ERO1A: variants seen among roughly 807,000 people sequenced by gnomAD.
ERO1A encodes the protein endoplasmic reticulum oxidoreductase 1 alpha.
ERO1A carries 49 observed loss-of-function variants against 76.9 expected under a neutral mutation model. The observed-to-expected ratio is 0.64, with a 90% CI of 0.51 to 0.81. The LOEUF (loss-of-function observed/expected upper bound fraction) is 0.81. Among genes scored for constraint, ERO1A ranks in the 30% least tolerant of loss-of-function variants. The pLI is 0.00. For missense variants in ERO1A, 448 were observed against 542.1 expected, an observed-to-expected ratio of 0.83 and a Z score of 1.72; for synonymous variants, 174 against 181.2, an observed-to-expected ratio of 0.96 and a Z score of 0.32.
intron 1 of ERO1A, among the ~76,000 whole-genome samples, chr14:52,687,852 A>G (rs2041227941): frequency 6.6e-6 from 1 of 152,170 alleles, no homozygotes; most frequent in Non-Finnish European, 1.5e-5. Flanking sequence ...AAATAGGAGG[A>G]CCAAGGTAGG....
At chr14:52,691,091 A>G (rs1289908054) in intron 1 of ERO1A, among the ~76,000 whole-genome samples, 2 of 152,254 alleles carry the variant, frequency 1.3e-5, no homozygotes, top group Non-Finnish European at 2.9e-5. Context: ...TTATGTGTCA[A>G]TAAAGGTGGA....
chr14:52,642,713 C>CTCT lies in ERO1A; in HGVS notation c.*854_*856dup, dbSNP rs1031599683. On this transcript the variant is annotated 3_prime_UTR_variant, in exon 16 of 16. Transcript: ENST00000395686. The stretch of plus-strand genomic sequence containing the variant: ...CAATTAGTGAATCTGGGTAAGAGAG[C>CTCT]TCTTTGTACTATTTTTGAAACTTTT... 6.6e-6 allele frequency: 1 copy of CTCT among 152,344 alleles called. No individual in the cohort carries two copies. The highest frequency in any genetic ancestry group is 1.5e-5 in the Non-Finnish European group (1 of 67,988). The allele number at this position is 152,344 out of a possible 1,614,324, so 9.4% of individuals were successfully genotyped here. A position where few individuals can be genotyped will look rare whatever the true frequency, so the allele number is the denominator to read the frequency against.
intron 6 of ERO1A, among the ~76,000 whole-genome samples, chr14:52,669,508 C>T (rs2040525701): frequency 6.6e-6 from 1 of 152,026 alleles, no homozygotes; most frequent in Admixed American, 6.6e-5. Flanking sequence ...AGGTCTATAC[C>T]CCTCATCCAA....
chr14:52,671,803 T>G lies in ERO1A; in HGVS notation c.426A>C (p.Glu142Asp). 1 of 1,607,052 alleles carries G rather than the reference T, an allele frequency of 6.2e-7. No homozygotes were observed. Among genetic ancestry groups the G allele is most frequent in the Admixed American group, 1.7e-5 (1 of 59,522 alleles). The change falls in exon 5 of 16, where the codon GAA becomes GAC. Residue 142 changes from glutamate to aspartate, a missense_variant. Physicochemically the swap from Glu to Asp is conservative, Grantham distance 45. Coordinates refer to ENST00000395686, the MANE Select transcript of ERO1A (RefSeq NM_014584.3). ...GAAAAATAAAATCAAACCTCAGAGA[T>G]TCATCCACTGCTCCAAGTCGTTCAG... ...EQAERLGAVD[E>D]SLSEETQKAV...
chr14:52,640,091 A>T lies in ERO1A; in HGVS notation c.*3479T>A, dbSNP rs1594815040. ...CAACAAACATTTATTAAACATTCAT[A>T]TGCCAAAAACTATGCTATGGAGATG... is the stretch of plus-strand genomic sequence containing the variant. On this transcript the variant is annotated 3_prime_UTR_variant, in exon 16 of 16. Coordinates refer to ENST00000395686, the MANE Select transcript of ERO1A (RefSeq NM_014584.3). 1 of 152,258 alleles carries T rather than the reference A, an allele frequency of 6.6e-6. No individual in the cohort carries two copies. Among genetic ancestry groups the T allele is most frequent in the Non-Finnish European group, 1.5e-5 (1 of 68,050 alleles). 9.4% of individuals were successfully genotyped at this position (152,258 alleles called of 1,614,324 possible). A position where few individuals can be genotyped will look rare whatever the true frequency, so the allele number is the denominator to read the frequency against.
At chr14:52,672,625 CTGGACA>C (rs1336676549) in intron 4 of ERO1A, among the ~76,000 whole-genome samples, 2 of 151,828 alleles carry the variant, frequency 1.3e-5, no homozygotes, top group Non-Finnish European at 2.9e-5. Context: ...TTTTAATTAG[CTGGACA>C]TGGTGGCATG....
At chr14:52,646,794 T>C (rs1294310748) in intron 13 of ERO1A, 1 of 197,490 alleles carries the variant, frequency 5.1e-6, no homozygotes, top group East Asian at 1.3e-4. Context: ...AAAGCTAAAC[T>C]ATCTGCAAAA....
At position 52,682,209 on chromosome 14, in the gene ERO1A, CAT is replaced by C. The variant is rs1308850709; in HGVS notation, c.318+114_318+115del. 13 of 738,958 alleles carry C rather than the reference CAT, an allele frequency of 1.8e-5. No individual in the cohort carries two copies. The Admixed American group carries it at 2.4e-4, about 14-fold the overall frequency. The allele number at this position is 738,958 out of a possible 1,614,324, so 45.8% of individuals were successfully genotyped here. On this transcript the variant is annotated intron_variant, in intron 3 of 15. Transcript: ENST00000395686. ...AGAAATTCAAGACCAACCTGGGCAA[CAT>C]AGTGAAACCTCATCTCTATTTTTTC...
At chr14:52,684,443 AAAG>A (rs1436820694) in intron 1 of ERO1A, among the ~76,000 whole-genome samples, 3 of 152,144 alleles carry the variant, frequency 2.0e-5, no homozygotes, top group African/African-American at 7.2e-5. Context: ...AAAGATACAC[AAAG>A]AAGCAGAGGT....
At chr14:52,668,187 TA>T (rs1303103272) in intron 6 of ERO1A, among the ~76,000 whole-genome samples, 3 of 152,212 alleles carry the variant, frequency 2.0e-5, no homozygotes, top group African/African-American at 7.2e-5. Flanking sequence ...TTTCAATTAA[TA>T]CTAAAGGCAA....
intron 13 of ERO1A, among the ~76,000 whole-genome samples, chr14:52,651,781 A>G (rs1010489968): frequency 6.6e-6 from 1 of 152,114 alleles, no homozygotes; most frequent in Non-Finnish European, 1.5e-5. Context: ...CACATACTTA[A>G]CCATTTTTTG....
intron 1 of ERO1A, among the ~76,000 whole-genome samples, chr14:52,685,954 G>T (rs568412136): frequency 5.6e-4 from 85 of 152,314 alleles, no homozygotes; most frequent in African/African-American, 1.9e-3. Flanking sequence ...TTTGTGGCCT[G>T]TAATCCCAGC....
At chr14:52,675,574 C>CAT (rs79553939) in intron 4 of ERO1A, among the ~76,000 whole-genome samples, 4,082 of 152,208 alleles carry the variant, frequency 0.027, 148 homozygotes, top group African/African-American at 0.079. Flanking sequence ...TGCAGCTGCA[C>CAT]GTTAAATTGT....
At chr14:52,676,105 A>C (rs2040775044) in intron 4 of ERO1A, among the ~76,000 whole-genome samples, 1 of 152,202 alleles carries the variant, frequency 6.6e-6, no homozygotes, top group Non-Finnish European at 1.5e-5. Context: ...TATGGCCTTT[A>C]GGAATAGTGA....
chr14:52,691,701 C>G (rs1382613117), intron 1 of ERO1A, among the ~76,000 whole-genome samples: 3 of 152,216 alleles, frequency 2.0e-5, no homozygotes, highest in Admixed American at 6.5e-5. Context: ...CTGAGCTACT[C>G]TCCCCTTTCA....
intron 6 of ERO1A, among the ~76,000 whole-genome samples, chr14:52,669,411 A>G (rs1280142390): frequency 6.6e-6 from 1 of 152,204 alleles, no homozygotes; most frequent in Non-Finnish European, 1.5e-5. Context: ...TTTAAGGTAA[A>G]AAAAAAATCC....
chr14:52,654,868 C>G (rs1000125724), intron 11 of ERO1A, among the ~76,000 whole-genome samples: 2 of 152,080 alleles, frequency 1.3e-5, no homozygotes, highest in African/African-American at 4.8e-5. Flanking sequence ...TGTCTTCATG[C>G]CATGTCATTT....
At chr14:52,667,891 T>A (rs374034766) in intron 6 of ERO1A, among the ~76,000 whole-genome samples, 25 of 151,924 alleles carry the variant, frequency 1.6e-4, no homozygotes, top group African/African-American at 6.0e-4. Flanking sequence ...AGCACAAAAG[T>A]GCTTAGAGTC....
rs2040635923 is a variant in ERO1A, at chr14:52,672,489, C to T, written c.358-618G>A. Among the ~76,000 whole-genome samples, 3 of 151,918 alleles carry T rather than the reference C, an allele frequency of 2.0e-5. No individual in the cohort carries two copies. In the South Asian group the frequency reaches 6.2e-4, roughly 32 times the overall value. On this transcript the variant is annotated intron_variant, in intron 4 of 15. Coordinates refer to ENST00000395686, the MANE Select transcript of ERO1A (RefSeq NM_014584.3). ...TTAAATGTTTTGACAAATTTAAAGCCTGGGTGTGGTGGCTCATGCCTGAAA... is the reference window on the plus strand; with the variant it reads ...TTAAATGTTTTGACAAATTTAAAGCTTGGGTGTGGTGGCTCATGCCTGAAA...
Sources: gnomAD v4.1 joint callset for allele counts (sites outside exome capture counted in the v4.1 genomes callset) on GRCh38, gnomAD v4.1.1 for gene constraint, MANE v1.5 for transcripts, NCBI Gene and HGNC (gene_info 2026-07-23, HGNC 2026-07-21) for gene names.